The following DLD variants were observed in gnomAD, a reference collection of about 807,000 sequenced individuals.
The protein encoded by DLD is dihydrolipoamide dehydrogenase, also known as dihydrolipoyl dehydrogenase, mitochondrial.
A neutral mutation model predicts 62.2 loss-of-function variants in DLD; 36 were observed. The observed-to-expected ratio is 0.58, with a 90% CI of 0.44 to 0.76. The LOEUF (loss-of-function observed/expected upper bound fraction) is 0.76, where lower values mean the gene tolerates loss of function less well. DLD is among the 30% of genes least tolerant of loss of function. The pLI is 0.00. For synonymous variants in DLD, 204 were observed against 199.6 expected, an observed-to-expected ratio of 1.02 and a Z score of -0.19; for missense variants, 541 against 608.6, an observed-to-expected ratio of 0.89 and a Z score of 1.17.
rs779166996 is a variant in DLD at position 107,891,280 on chromosome 7, C to T, written c.30C>T (p.Ser10=). 2 of 1,614,142 alleles carry T rather than the reference C, an allele frequency of 1.2e-6. No homozygotes were observed. Among genetic ancestry groups the T allele is most frequent in the African/African-American group, 1.3e-5 (1 of 75,072 alleles). Residue 10 remains serine, a synonymous_variant, in exon 1 of 14, where the codon TCC becomes TCT. Transcript: ENST00000205402. MQSWSRVYC[S]LAKRGHFNRI... ...AGAGCTGGAGTCGTGTGTACTGCTC[C>T]TTGGCCAAGGTGAGGGCCGAGTAGG...
intron 7 of DLD, 128 bp downstream of exon 7, chr7:107,905,632 C>A: frequency 9.6e-7 from 1 of 1,040,552 alleles, no homozygotes; most frequent in Non-Finnish European, 1.5e-6. Context: ...GGTCATTCAG[C>A]TTTGGGAAGT....
chr7:107,894,643 T>A (rs746553765), intron 2 of DLD, among the ~76,000 whole-genome samples: 4 of 152,240 alleles, frequency 2.6e-5, no homozygotes, highest in Non-Finnish European at 1.5e-5. Flanking sequence ...CATGGCTAAC[T>A]CTATACCTTT....
In DLD at chr7:107,904,745, A is replaced by G. The variant is rs2031961862; in HGVS notation, c.338-213A>G. Reference sequence around the variant, plus strand: ...TTATTTTGGACTGCCTTTTTACCCAAGGTAGACATTTTATAGTGTTTGATA... The same window carrying G: ...TTATTTTGGACTGCCTTTTTACCCAGGGTAGACATTTTATAGTGTTTGATA... On this transcript the variant is annotated intron_variant, in intron 5 of 13. Coordinates refer to ENST00000205402, the MANE Select transcript of DLD (RefSeq NM_000108.5). 6 of 632,780 alleles carry G rather than the reference A, an allele frequency of 9.5e-6. No individual in the cohort carries two copies. In the East Asian group the frequency reaches 1.3e-4, roughly 13 times the overall value. The allele number at this position is 632,780 out of a possible 1,614,324, so 39.2% of individuals were successfully genotyped here.
At chr7:107,915,922 T>C (rs77611523) in intron 9 of DLD, among the ~76,000 whole-genome samples, 1 of 152,162 alleles carries the variant, frequency 6.6e-6, no homozygotes, top group African/African-American at 2.4e-5. Context: ...TGCCTTCTTA[T>C]AGTACATTCA....
At chr7:107,903,080 A>G (rs1382327607) in intron 4 of DLD, among the ~76,000 whole-genome samples, 1 of 152,196 alleles carries the variant, frequency 6.6e-6, no homozygotes, top group African/African-American at 2.4e-5. Context: ...CACAGTACTT[A>G]TCATTTTTGT....
chr7:107,919,136 A>G (rs1262881513), intron 13 of DLD, 37 bp downstream of exon 13: 7 of 1,612,118 alleles, frequency 4.3e-6, no homozygotes, highest in East Asian at 4.5e-5. Context: ...ATGGTTGCCT[A>G]AATTTTCTTC....
intron 2 of DLD, among the ~76,000 whole-genome samples, chr7:107,900,201 G>T (rs1248790784): frequency 6.6e-6 from 1 of 152,038 alleles, no homozygotes; most frequent in Non-Finnish European, 1.5e-5. Context: ...CTTAGATTTT[G>T]TGGATAATTG....
chr7:107,904,264 AAAG>A (rs2116216840), intron 5 of DLD, among the ~76,000 whole-genome samples: 1 of 152,352 alleles, frequency 6.6e-6, no homozygotes, highest in African/African-American at 2.4e-5. Context: ...TGACGTAAAG[AAAG>A]AAGAGCTAGG....
intron 9 of DLD, among the ~76,000 whole-genome samples, chr7:107,916,102 A>G (rs561832409): frequency 1.3e-5 from 2 of 152,304 alleles, no homozygotes; most frequent in Non-Finnish European, 2.9e-5. Context: ...ATTTAAATTA[A>G]ATAGTTAATA....
chr7:107,917,234 T>G (rs1243276849), intron 10 of DLD, 39 bp from the exon 11 acceptor site: 1 of 1,610,440 alleles, frequency 6.2e-7, no homozygotes. Context: ...TAGCTGTGAT[T>G]TCAGAAATTC....
At chr7:107,908,295 C>T (rs555744563) in intron 8 of DLD, among the ~76,000 whole-genome samples, 8 of 151,682 alleles carry the variant, frequency 5.3e-5, no homozygotes, top group Admixed American at 1.3e-4. Context: ...AGACTACAGG[C>T]GCCCGCCAGC....
intron 1 of DLD, 177 bp downstream of exon 1, chr7:107,891,466 A>T (rs931402523): frequency 5.7e-6 from 4 of 703,154 alleles, no homozygotes; most frequent in African/African-American, 3.5e-5. Context: ...GTGGCCGCTC[A>T]TCCTGCAGCA....
At chr7:107,893,083 T>TA (rs1229787344) in intron 1 of DLD, 117 bp from the exon 2 acceptor site, 2 of 665,206 alleles carry the variant, frequency 3.0e-6, no homozygotes, top group Non-Finnish European at 5.2e-6. Flanking sequence ...TGGAAGAAGA[T>TA]ACACTAATAA....
chr7:107,892,529 AGC>A (rs1414981012), intron 1 of DLD, among the ~76,000 whole-genome samples: 166 of 111,656 alleles, frequency 1.5e-3, no homozygotes, highest in African/African-American at 6.8e-3. Flanking sequence ...GAACTTTCAG[AGC>A]TTTATTTATT....
At position 107,919,426 on chromosome 7, in the gene DLD, T is replaced by C. The variant is rs886061909; in HGVS notation, c.*167T>C. The C allele has an allele frequency of 1.8e-6, 1 of 565,730 alleles. No homozygotes were observed. The highest frequency in any genetic ancestry group is 1.9e-5 in the African/African-American group (1 of 53,236). The allele number at this position is 565,730 out of a possible 1,614,324, so 35.0% of individuals were successfully genotyped here. ...ACAAAATGGAATACTCTTATATCTA[T>C]ATTTTACATAAATTTAGTATTTTGT... is the stretch of plus-strand genomic sequence containing the variant. On this transcript the variant is annotated 3_prime_UTR_variant, in exon 14 of 14. Coordinates refer to ENST00000205402, the MANE Select transcript of DLD (RefSeq NM_000108.5).
chr7:107,907,027 C>T (rs1270452280), intron 8 of DLD, among the ~76,000 whole-genome samples: 1 of 152,134 alleles, frequency 6.6e-6, no homozygotes, highest in Non-Finnish European at 1.5e-5. Context: ...ACTTTGTACC[C>T]TTTTTTAGGT....
At chr7:107,897,220 A>C (rs977162973) in intron 2 of DLD, among the ~76,000 whole-genome samples, 5 of 152,156 alleles carry the variant, frequency 3.3e-5, no homozygotes, top group Non-Finnish European at 2.9e-5. Flanking sequence ...ATGAGTCATA[A>C]ATATTTGATT....
intron 2 of DLD, among the ~76,000 whole-genome samples, chr7:107,899,651 TTATAAA>T (rs1281111292): frequency 6.6e-6 from 1 of 152,054 alleles, no homozygotes; most frequent in African/African-American, 2.4e-5. Flanking sequence ...GTAATATATG[TTATAAA>T]TATATATGCT....
At position 107,919,650 on chromosome 7, in the gene DLD, G is replaced by A. The variant is rs1584475069; in HGVS notation, c.*391G>A. On this transcript the variant is annotated 3_prime_UTR_variant, in exon 14 of 14. Transcript: ENST00000205402. ...TGTGAACAGTTGTGTTTGAAGCACA[G>A]TGATCAAGTTATTTTTAATTTGGTT... The A allele has an allele frequency of 5.6e-6, 1 of 179,654 alleles. No individual in the cohort carries two copies. The highest frequency in any genetic ancestry group is 1.2e-4 in the South Asian group (1 of 8,450). 11.1% of individuals were successfully genotyped at this position (179,654 alleles called of 1,614,324 possible). A position where few individuals can be genotyped will look rare whatever the true frequency, so the allele number is the denominator to read the frequency against.
Sources: allele counts gnomAD v4.1 joint callset (sites outside exome capture counted in the v4.1 genomes callset), GRCh38; gene constraint gnomAD v4.1.1; transcripts MANE v1.5; gene names NCBI Gene and HGNC (gene_info 2026-07-23, HGNC 2026-07-21).